Variants in ST6GAL1 observed in about 807,000 individuals in gnomAD.
ST6GAL1 encodes the protein ST6 beta-galactoside alpha-2,6-sialyltransferase 1, also known as beta-galactoside alpha-2,6-sialyltransferase 1.
In ST6GAL1, 20 loss-of-function variants were observed where a neutral mutation model predicts 38.0. The observed-to-expected ratio is 0.53, with a 90% CI of 0.37 to 0.77. The LOEUF is 0.77. Ranked by LOEUF, ST6GAL1 falls within the 30% of genes least tolerant of loss-of-function variation. ST6GAL1 has a pLI of 0.00. For synonymous variants in ST6GAL1, 196 were observed against 188.2 expected (o/e 1.04, Z -0.34); for missense variants, 432 against 496.4 (o/e 0.87, Z 1.23).
intron 5 of ST6GAL1, among the ~76,000 whole-genome samples, chr3:187,066,040 C>G (rs555865855): frequency 6.6e-6 from 1 of 150,974 alleles, no homozygotes; most frequent in South Asian, 2.1e-4. Context: ...CTTTTCTTCT[C>G]AAGATACTGA....
chr3:186,941,912 G>A (rs545440905), intron 1 of ST6GAL1, among the ~76,000 whole-genome samples: 70 of 152,008 alleles, frequency 4.6e-4, no homozygotes, highest in African/African-American at 1.6e-3. Context: ...CTCGGGAGGC[G>A]GAGGCAGGAC....
chr3:186,960,836 C>G (rs1023135139), intron 1 of ST6GAL1, among the ~76,000 whole-genome samples: 16 of 151,990 alleles, frequency 1.1e-4, no homozygotes, highest in African/African-American at 3.6e-4. Flanking sequence ...CCCGCGGCCA[C>G]TAGACTCACT....
intron 1 of ST6GAL1, among the ~76,000 whole-genome samples, chr3:186,957,316 GC>G: frequency 6.6e-6 from 1 of 152,254 alleles, no homozygotes; most frequent in South Asian, 2.1e-4. Flanking sequence ...GGTGGTGCAC[GC>G]CTATAGTTCC....
chr3:187,031,657 G>A (rs996515717), intron 2 of ST6GAL1, among the ~76,000 whole-genome samples: 7 of 152,020 alleles, frequency 4.6e-5, no homozygotes, highest in Admixed American at 3.9e-4. Context: ...CTGGTCACGG[G>A]CTTCTGACTT....
chr3:186,942,234 G>GA (rs1300320156), intron 1 of ST6GAL1: 1 of 152,246 alleles, frequency 6.6e-6, no homozygotes, highest in Non-Finnish European at 1.5e-5. Context: ...GAATAAGATG[G>GA]AAGCCATCAA....
intron 1 of ST6GAL1, among the ~76,000 whole-genome samples, chr3:186,958,693 T>G (rs965027579): frequency 6.6e-6 from 1 of 152,164 alleles, no homozygotes; most frequent in African/African-American, 2.4e-5. Flanking sequence ...GGCTCATGCC[T>G]GTAATCCCAC....
chr3:186,944,908 G>T (rs1250611858), intron 1 of ST6GAL1, among the ~76,000 whole-genome samples: 1 of 152,192 alleles, frequency 6.6e-6, no homozygotes, highest in African/African-American at 2.4e-5. Flanking sequence ...GAGGCCATAT[G>T]CCTTCTTAAA....
chr3:186,948,963 G>A (rs1373040371), intron 1 of ST6GAL1: 1 of 152,240 alleles, frequency 6.6e-6, no homozygotes, highest in African/African-American at 2.4e-5. Flanking sequence ...AGCCACCAGT[G>A]AGTTGAGTGG....
chr3:186,953,917 C>G (rs1311429713), intron 1 of ST6GAL1, among the ~76,000 whole-genome samples: 1 of 151,784 alleles, frequency 6.6e-6, no homozygotes, highest in Admixed American at 6.6e-5. Context: ...TTTGCTGCCC[C>G]TATCAACCCA....
At chr3:186,984,790 T>C (rs1382032110) in intron 2 of ST6GAL1, among the ~76,000 whole-genome samples, 112 of 24,510 alleles carry the variant, frequency 4.6e-3, no homozygotes, top group South Asian at 6.7e-3. Flanking sequence ...CTTCCTCCCT[T>C]CCTTCCTTCC....
intron 2 of ST6GAL1, among the ~76,000 whole-genome samples, chr3:186,966,008 C>G (rs1016110418): frequency 2.0e-5 from 3 of 152,216 alleles, no homozygotes; most frequent in Admixed American, 6.5e-5. Flanking sequence ...AAGTGATTCT[C>G]CTGCCTCAGC....
At chr3:187,007,233 A>G (rs905328831) in intron 2 of ST6GAL1, among the ~76,000 whole-genome samples, 2 of 152,228 alleles carry the variant, frequency 1.3e-5, no homozygotes, top group African/African-American at 2.4e-5. Flanking sequence ...GGGAAAAGCC[A>G]CTGGAAGCCA....
At chr3:187,047,235 G>A (rs183818539) in intron 4 of ST6GAL1, among the ~76,000 whole-genome samples, 114 of 148,746 alleles carry the variant, frequency 7.7e-4, no homozygotes, top group African/African-American at 2.6e-3. Flanking sequence ...GTGAGCCACC[G>A]CGCCCGGCCA....
chr3:187,060,021 G>A (rs1172202434), intron 5 of ST6GAL1, among the ~76,000 whole-genome samples: 1 of 152,138 alleles, frequency 6.6e-6, no homozygotes, highest in Non-Finnish European at 1.5e-5. Flanking sequence ...TCAGGAAGAG[G>A]CAACAGCATG....
intron 2 of ST6GAL1, among the ~76,000 whole-genome samples, chr3:186,967,320 T>G (rs1352444705): frequency 6.6e-6 from 1 of 152,208 alleles, no homozygotes; most frequent in Non-Finnish European, 1.5e-5. Flanking sequence ...GCCTCCCAAG[T>G]AGCTGAGATT....
chr3:186,970,204 CTTTTCTTTTTCT>C (rs1172444483), intron 2 of ST6GAL1, among the ~76,000 whole-genome samples: 8 of 142,070 alleles, frequency 5.6e-5, no homozygotes, highest in African/African-American at 7.9e-5. Context: ...ATTTCTTTTT[CTTTTCTTTTTCT>C]TTTTTTTTTT....
chr3:186,957,623 T>G (rs1290104837), intron 1 of ST6GAL1, among the ~76,000 whole-genome samples: 1 of 151,898 alleles, frequency 6.6e-6, no homozygotes, highest in Non-Finnish European at 1.5e-5. Flanking sequence ...CTTGAGTACC[T>G]GGGGCTGTGA....
intron 2 of ST6GAL1, among the ~76,000 whole-genome samples, chr3:187,008,138 G>T (rs1716842223): frequency 6.6e-6 from 1 of 152,036 alleles, no homozygotes; most frequent in African/African-American, 2.4e-5. Flanking sequence ...GGCTGAAATA[G>T]TTTCAAATTT....
chr3:186,999,387 G>A (rs1579310095), intron 2 of ST6GAL1, among the ~76,000 whole-genome samples: 2 of 150,978 alleles, frequency 1.3e-5, no homozygotes, highest in African/African-American at 4.9e-5. Flanking sequence ...CGGATTTGTC[G>A]CCTTGAAGGA....
Sources: gnomAD v4.1 joint callset for allele counts (sites outside exome capture counted in the v4.1 genomes callset) on GRCh38, gnomAD v4.1.1 for gene constraint, MANE v1.5 for transcripts, NCBI Gene and HGNC (gene_info 2026-07-23, HGNC 2026-07-21) for gene names.